The following ADGRL3 variants were observed in gnomAD, a reference collection of about 807,000 sequenced individuals.
The protein encoded by ADGRL3 is calcium-independent alpha-latrotoxin receptor 3.
ADGRL3 carries 62 observed loss-of-function variants against 153.5 expected under a neutral mutation model. The observed-to-expected ratio is 0.40, with a 90% CI of 0.33 to 0.50. ADGRL3 has a LOEUF of 0.50. Ranked by LOEUF, ADGRL3 falls within the 20% of genes least tolerant of loss-of-function variation. The pLI, the probability that ADGRL3 is intolerant of heterozygous loss-of-function variation, is 0.47. For missense variants in ADGRL3, 1,641 were observed against 1,859.4 expected (o/e 0.88, Z 2.16); for synonymous variants, 710 against 672.5 (o/e 1.06, Z -0.86).
chr4:61,390,540 T>C (rs2096790504), intron 2 of ADGRL3, among the ~76,000 whole-genome samples: 1 of 152,238 alleles, frequency 6.6e-6, no homozygotes, highest in African/African-American at 2.4e-5. Context: ...TTGTTCATTG[T>C]TCTCTTTCAG....
chr4:61,305,245 A>C (rs528151031), intron 1 of ADGRL3, among the ~76,000 whole-genome samples: 108 of 152,266 alleles, frequency 7.1e-4, no homozygotes, highest in Non-Finnish European at 1.4e-3. Context: ...TAAATTGTGA[A>C]TATCTTCCTT....
intron 17 of ADGRL3, among the ~76,000 whole-genome samples, chr4:61,975,912 T>C (rs1056923379): frequency 2.2e-4 from 34 of 152,180 alleles, no homozygotes; most frequent in African/African-American, 7.9e-4. Flanking sequence ...GAGGGCAGAA[T>C]AGGATAAGAT....
At chr4:62,025,571 T>C (rs931030116) in intron 21 of ADGRL3, among the ~76,000 whole-genome samples, 3 of 152,120 alleles carry the variant, frequency 2.0e-5, no homozygotes, top group Non-Finnish European at 2.9e-5. Context: ...GGTAACTGAA[T>C]CTTCTTAGTC....
At chr4:61,267,361 G>A (rs1271367215) in intron 1 of ADGRL3, among the ~76,000 whole-genome samples, 2 of 151,688 alleles carry the variant, frequency 1.3e-5, no homozygotes, top group African/African-American at 4.8e-5. Context: ...CACACAGAGA[G>A]AATACCTGTA....
At chr4:61,946,885 A>G in intron 15 of ADGRL3, 29 bp from the exon 16 acceptor site, 1 of 1,552,084 alleles carries the variant, frequency 6.4e-7, no homozygotes, top group Non-Finnish European at 8.9e-7. Context: ...TAGAGTGGAC[A>G]AACTAATCAG....
intron 12 of ADGRL3, among the ~76,000 whole-genome samples, chr4:61,911,782 G>T (rs2098723079): frequency 6.6e-6 from 1 of 151,946 alleles, no homozygotes; most frequent in Non-Finnish European, 1.5e-5. Flanking sequence ...AAGGCATCTG[G>T]GTAACTGCTT....
At chr4:61,745,525 A>G (rs1207341096) in intron 8 of ADGRL3, among the ~76,000 whole-genome samples, 2 of 152,206 alleles carry the variant, frequency 1.3e-5, no homozygotes, top group East Asian at 1.9e-4. Context: ...CAGAAACTCT[A>G]CAAGCCAGAA....
At chr4:61,534,016 T>C (rs892020501) in intron 4 of ADGRL3, among the ~76,000 whole-genome samples, 4 of 152,210 alleles carry the variant, frequency 2.6e-5, no homozygotes, top group African/African-American at 9.6e-5. Context: ...TCATAAATTA[T>C]TTGCCTAGAC....
intron 1 of ADGRL3, among the ~76,000 whole-genome samples, chr4:61,271,984 A>T (rs2093209408): frequency 6.6e-6 from 1 of 152,188 alleles, no homozygotes; most frequent in East Asian, 1.9e-4. Context: ...TATATGTTAA[A>T]TTTACCACTA....
At chr4:61,686,313 T>C (rs1011147351) in intron 6 of ADGRL3, among the ~76,000 whole-genome samples, 5 of 152,162 alleles carry the variant, frequency 3.3e-5, no homozygotes, top group Non-Finnish European at 5.9e-5. Context: ...AAAGATCTTA[T>C]GTTTTGTGTG....
At chr4:62,041,688 T>C (rs1021150692) in intron 24 of ADGRL3, among the ~76,000 whole-genome samples, 1 of 152,112 alleles carries the variant, frequency 6.6e-6, no homozygotes, top group Non-Finnish European at 1.5e-5. Context: ...ATTCCTTTAT[T>C]AAACCTTTGT....
At chr4:61,473,040 G>A (rs534036251) in intron 2 of ADGRL3, among the ~76,000 whole-genome samples, 1 of 152,216 alleles carries the variant, frequency 6.6e-6, no homozygotes, top group East Asian at 1.9e-4. Context: ...CATTGGATTT[G>A]ACAATAAGTC....
At chr4:61,366,633 C>A (rs956228141) in intron 1 of ADGRL3, among the ~76,000 whole-genome samples, 4 of 152,086 alleles carry the variant, frequency 2.6e-5, no homozygotes, top group Non-Finnish European at 5.9e-5. Context: ...GAAGTAGAGA[C>A]AGATATTTTA....
At chr4:61,754,445 A>G (rs996789023) in intron 8 of ADGRL3, among the ~76,000 whole-genome samples, 14 of 152,042 alleles carry the variant, frequency 9.2e-5, no homozygotes, top group African/African-American at 3.4e-4. Flanking sequence ...TAATTTGAAA[A>G]ACAAAATATT....
chr4:61,374,696 C>G (rs1158090408), intron 1 of ADGRL3, among the ~76,000 whole-genome samples: 1 of 152,076 alleles, frequency 6.6e-6, no homozygotes, highest in East Asian at 1.9e-4. Context: ...AAGTTAATCC[C>G]TTTCAGACCT....
rs146270232 is a variant in ADGRL3 at position 61,851,259 on chromosome 4, A to C, written c.1480+37370A>C. Among the ~76,000 whole-genome samples the C allele has an allele frequency of 3.0e-4, 46 of 152,216 alleles. 1 individual carries two copies. In the East Asian group the frequency reaches 7.9e-3, roughly 26 times the overall value. On this transcript the variant is annotated intron_variant, in intron 9 of 26. Coordinates refer to ENST00000683033, the MANE Select transcript of ADGRL3 (RefSeq NM_001387552.1). ...ACTCAGAAAGGGATATATTTATTTC[A>C]AGAATATTTGTTACATACTTAGAAT...
chr4:61,546,166 G>A (rs1385741984), intron 4 of ADGRL3, among the ~76,000 whole-genome samples: 1 of 152,124 alleles, frequency 6.6e-6, no homozygotes, highest in African/African-American at 2.4e-5. Context: ...CACAAATTGA[G>A]TCATATCTCT....
intron 1 of ADGRL3, among the ~76,000 whole-genome samples, chr4:61,247,338 TA>T (rs1757505780): frequency 6.6e-6 from 1 of 152,086 alleles, no homozygotes; most frequent in Non-Finnish European, 1.5e-5. Flanking sequence ...TGTTCTCCTA[TA>T]GACAGACCAA....
At position 61,562,867 on chromosome 4, in the gene ADGRL3, C is replaced by A. The variant is rs571429417; in HGVS notation, c.260-24360C>A. ...GGTAAATCCTCAATCCTTGCTTGAACCTAGCAGTTCACAGCTGCAATGAGC... is the reference window on the plus strand; with the variant it reads ...GGTAAATCCTCAATCCTTGCTTGAAACTAGCAGTTCACAGCTGCAATGAGC... On this transcript the variant is annotated intron_variant, in intron 4 of 26. Coordinates refer to ENST00000683033, the MANE Select transcript of ADGRL3 (RefSeq NM_001387552.1). Among the ~76,000 whole-genome samples, 8 of 150,090 alleles carry A rather than the reference C, an allele frequency of 5.3e-5. No individual in the cohort carries two copies. In the South Asian group the frequency reaches 1.7e-3, roughly 31 times the overall value.
Sources: gnomAD v4.1 joint callset for allele counts (sites outside exome capture counted in the v4.1 genomes callset) on GRCh38, gnomAD v4.1.1 for gene constraint, MANE v1.5 for transcripts, NCBI Gene and HGNC (gene_info 2026-07-23, HGNC 2026-07-21) for gene names.